EBF2: variants seen among roughly 807,000 people sequenced by gnomAD.
EBF2 encodes transcription factor COE2.
EBF2 carries 21 observed loss-of-function variants against 72.8 expected under a neutral mutation model. That is an observed-to-expected ratio of 0.29 (90% CI 0.20 to 0.42). The LOEUF is 0.42. EBF2 is among the 10% of genes least tolerant of loss of function. The probability of loss-of-function intolerance (pLI) is 1.00; values close to 1 mark genes in which losing one functional copy is unlikely to be tolerated. For missense variants in EBF2, 637 were observed against 731.2 expected, an observed-to-expected ratio of 0.87 and a Z score of 1.49; for synonymous variants, 299 against 274.2, an observed-to-expected ratio of 1.09 and a Z score of -0.89.
chr8:26,018,586 G>A (rs1476231672), intron 6 of EBF2, among the ~76,000 whole-genome samples: 1 of 151,654 alleles, frequency 6.6e-6, no homozygotes, highest in African/African-American at 2.4e-5. Context: ...CAGAAGAATG[G>A]CATGAACCCG....
chr8:26,035,332 T>G (rs914428255), intron 5 of EBF2, among the ~76,000 whole-genome samples: 1 of 152,064 alleles, frequency 6.6e-6, no homozygotes, highest in African/African-American at 2.4e-5. Flanking sequence ...TTCATTTTGG[T>G]AGAGATAGGG....
chr8:25,876,054 T>C (rs1802514355), intron 10 of EBF2, among the ~76,000 whole-genome samples: 1 of 152,184 alleles, frequency 6.6e-6, no homozygotes, highest in Non-Finnish European at 1.5e-5. Context: ...ATGTGGTATA[T>C]ATACACTGTG....
At chr8:25,897,942 T>C (rs1051316579) in intron 7 of EBF2, among the ~76,000 whole-genome samples, 1 of 152,204 alleles carries the variant, frequency 6.6e-6, no homozygotes, top group African/African-American at 2.4e-5. Context: ...CTAGAGAAGA[T>C]ACTTTCTTAA....
intron 15 of EBF2, among the ~76,000 whole-genome samples, chr8:25,846,700 T>A (rs566401005): frequency 1.8e-4 from 28 of 151,940 alleles, no homozygotes; most frequent in African/African-American, 6.8e-4. Flanking sequence ...AAAAGAAAAA[T>A]CTTCAGTCCC....
At chr8:25,944,527 A>G (rs1237723090) in intron 6 of EBF2, among the ~76,000 whole-genome samples, 2 of 151,028 alleles carry the variant, frequency 1.3e-5, no homozygotes, top group Admixed American at 1.3e-4. Context: ...TGAAAATTGT[A>G]TAGTCTATAA....
chr8:26,006,642 C>T lies in EBF2; in HGVS notation c.551+26443G>A, dbSNP rs141890256. 5.5e-3 allele frequency among the ~76,000 whole-genome samples: 832 copies of T among 152,284 alleles called. 12 individuals are homozygous for T. The highest frequency in any genetic ancestry group is 0.019 in the African/African-American group (800 of 41,548). On this transcript the variant is annotated intron_variant, in intron 6 of 15. Coordinates refer to ENST00000520164, the MANE Select transcript of EBF2 (RefSeq NM_022659.4). The stretch of plus-strand genomic sequence containing the variant: ...CATTTCCATGACACTGTCTCCTTGC[C>T]AGTGCCCAGCAGGGATTTTTTCAAA...
At chr8:26,017,901 G>T (rs562446202) in intron 6 of EBF2, among the ~76,000 whole-genome samples, 53 of 152,300 alleles carry the variant, frequency 3.5e-4, no homozygotes, top group African/African-American at 1.3e-3. Context: ...GGCTTTGAAA[G>T]GGGGTTTCGC....
intron 10 of EBF2, among the ~76,000 whole-genome samples, chr8:25,882,874 G>A (rs1316281164): frequency 6.6e-6 from 1 of 152,216 alleles, no homozygotes; most frequent in East Asian, 1.9e-4. Context: ...GTTGAGCACA[G>A]AGTGCACTGC....
At chr8:26,012,589 T>C (rs1176906971) in intron 6 of EBF2, among the ~76,000 whole-genome samples, 2 of 152,200 alleles carry the variant, frequency 1.3e-5, no homozygotes. Flanking sequence ...AAGACAAAGA[T>C]GAAGTGTGTG....
At position 25,862,691 on chromosome 8, in the gene EBF2, A is replaced by G. The variant is rs973524196; in HGVS notation, c.1098+18T>C. The G allele has an allele frequency of 1.9e-6, 3 of 1,560,660 alleles. No homozygotes were observed. Among genetic ancestry groups the G allele is most frequent in the African/African-American group, 1.4e-5 (1 of 72,902 alleles). On this transcript the variant is annotated intron_variant, in intron 11 of 15. Transcript: ENST00000520164. ...TCTACACAAATGGCTTCACATGTCA[A>G]TTTCCAAAGCACATTACCTTAGCTA...
chr8:25,844,505 T>C lies in EBF2; in HGVS notation c.*104A>G, dbSNP rs1324181990. On this transcript the variant is annotated 3_prime_UTR_variant, in exon 16 of 16. Transcript: ENST00000520164. ...TGCAGACCCAAGGGTGTCCATCATG[T>C]TCATGTGGGGGCACCACTACACCCC... is the stretch of plus-strand genomic sequence containing the variant. 2.3e-5 allele frequency: 30 copies of C among 1,332,486 alleles called. No homozygotes were observed. The highest frequency in any genetic ancestry group is 8.5e-5 in the Admixed American group (5 of 58,576). The allele number at this position is 1,332,486 out of a possible 1,614,324, so 82.5% of individuals were successfully genotyped here.
intron 5 of EBF2, among the ~76,000 whole-genome samples, chr8:26,035,850 CTCCTAAAGCCCTTGTCTCTCT>C: frequency 6.6e-6 from 1 of 152,292 alleles, no homozygotes; most frequent in South Asian, 2.1e-4. Flanking sequence ...GCTCTCCCAC[CTCCTAAAGCCCTTGTCTCTCT>C]TCCCAAATCC....
At chr8:25,903,843 G>T (rs1166258102) in intron 7 of EBF2, among the ~76,000 whole-genome samples, 1 of 152,234 alleles carries the variant, frequency 6.6e-6, no homozygotes, top group Non-Finnish European at 1.5e-5. Flanking sequence ...CAGGGAACAA[G>T]CAGTGAGTTC....
chr8:26,038,259 T>C (rs549495575), intron 5 of EBF2, among the ~76,000 whole-genome samples: 179 of 152,358 alleles, frequency 1.2e-3, no homozygotes, highest in African/African-American at 4.0e-3. Flanking sequence ...TTTTAAATTG[T>C]AGTTTGGGAA....
intron 6 of EBF2, among the ~76,000 whole-genome samples, chr8:25,956,890 G>C (rs1803957754): frequency 6.6e-6 from 1 of 152,194 alleles, no homozygotes; most frequent in Admixed American, 6.5e-5. Flanking sequence ...CAACAGCATT[G>C]ATATAGAAAA....
In EBF2 at chr8:26,041,018, G is replaced by A. The variant is rs753138860; in HGVS notation, c.289-16C>T. 1.4e-5 allele frequency: 22 copies of A among 1,613,788 alleles called. No individual in the cohort carries two copies. The highest frequency in any genetic ancestry group is 1.8e-5 in the Non-Finnish European group (21 of 1,179,944). ...TGCCTTGTTCCTGAAAAGACAGGCA[G>A]CGTTCGATTCCCTTGCCTTTCAGCC... On this transcript the variant is annotated splice_polypyrimidine_tract_variant and intron_variant, in intron 2 of 15. Coordinates refer to ENST00000520164, the MANE Select transcript of EBF2 (RefSeq NM_022659.4).
At chr8:25,866,619 TTATA>T (rs377309056) in intron 10 of EBF2, among the ~76,000 whole-genome samples, 6,843 of 117,248 alleles carry the variant, frequency 0.058, 291 homozygotes, top group African/African-American at 0.13. Context: ...TTATATTATA[TTATA>T]TATATATATA....
In EBF2 at chr8:25,861,234, A is replaced by G. The variant is rs759923961; in HGVS notation, c.1165-8T>C. 3.4e-5 allele frequency: 55 copies of G among 1,612,968 alleles called. No homozygotes were observed. The highest frequency in any genetic ancestry group is 4.6e-5 in the Non-Finnish European group (54 of 1,179,314). ...TCGCTTCAAAATGATGTCCTACAAA[A>G]CAACAGGTTAATGTGAGCATTCTAT... On this transcript the variant is annotated splice_polypyrimidine_tract_variant and splice_region_variant and intron_variant, in intron 12 of 15. Transcript: ENST00000520164.
rs138295373 is a variant in EBF2 at position 25,957,565 on chromosome 8, A to G, written c.552-49010T>C. Among the ~76,000 whole-genome samples the G allele has an allele frequency of 1.0e-3, 158 of 152,286 alleles. No homozygotes were observed. In the Middle Eastern group the frequency reaches 0.014, roughly 13 times the overall value. ...ATTTAACTACATCCAAGGCTGGACA[A>G]GAAATAGAGGGGACCAGCCAGGTGC... On this transcript the variant is annotated intron_variant, in intron 6 of 15. Coordinates refer to ENST00000520164, the MANE Select transcript of EBF2 (RefSeq NM_022659.4).
Sources: gnomAD v4.1 joint callset for allele counts (sites outside exome capture counted in the v4.1 genomes callset) on GRCh38, gnomAD v4.1.1 for gene constraint, MANE v1.5 for transcripts, NCBI Gene and HGNC (gene_info 2026-07-23, HGNC 2026-07-21) for gene names.